TMEM117: variants seen among roughly 807,000 people sequenced by gnomAD.
TMEM117 encodes transmembrane protein 117.
In TMEM117, 27 loss-of-function variants were observed where a neutral mutation model predicts 52.4. The ratio of observed to expected loss-of-function variants is 0.51; its 90% CI spans 0.38 to 0.71. The LOEUF (loss-of-function observed/expected upper bound fraction) is 0.71. Ranked by LOEUF, TMEM117 falls within the 30% of genes least tolerant of loss-of-function variation. The pLI is 0.00. For synonymous variants in TMEM117, 215 were observed against 206.3 expected (o/e 1.04, Z -0.36); for missense variants, 556 against 630.5 (o/e 0.88, Z 1.26).
At chr12:44,288,351 A>G (rs1380334033) in intron 5 of TMEM117, among the ~76,000 whole-genome samples, 1 of 152,132 alleles carries the variant, frequency 6.6e-6, no homozygotes, top group East Asian at 1.9e-4. Context: ...CTTTTGGAGA[A>G]TTAAATATTA....
chr12:44,213,965 A>G (rs937816430), intron 5 of TMEM117, among the ~76,000 whole-genome samples: 1 of 152,068 alleles, frequency 6.6e-6, no homozygotes, highest in Non-Finnish European at 1.5e-5. Flanking sequence ...GGTCACATGT[A>G]TACTATTTGC....
intron 5 of TMEM117, among the ~76,000 whole-genome samples, chr12:44,229,495 A>G (rs1207147911): frequency 6.6e-6 from 1 of 152,154 alleles, no homozygotes; most frequent in African/African-American, 2.4e-5. Flanking sequence ...CATGGGGTCC[A>G]GGTAAATGTA....
intron 5 of TMEM117, among the ~76,000 whole-genome samples, chr12:44,266,609 A>G (rs372630184): frequency 1.1e-4 from 17 of 152,188 alleles, no homozygotes; most frequent in African/African-American, 4.1e-4. Flanking sequence ...TGAAGCACAT[A>G]TGTTTTTAAT....
Position 43,890,385 on chromosome 12 carries a change from T to A in TMEM117, c.277+45457T>A, listed in dbSNP as rs147996347. On this transcript the variant is annotated intron_variant, in intron 2 of 7. Coordinates refer to ENST00000266534, the MANE Select transcript of TMEM117 (RefSeq NM_032256.3). ...TCACCCCATGCAGTGTAAAAGTACC[T>A]TTTCTCTCTTCATTCAAATGAGAAT... Among the ~76,000 whole-genome samples the A allele has an allele frequency of 1.2e-3, 177 of 152,286 alleles. 1 individual carries two copies. Among genetic ancestry groups the A allele is most frequent in the African/African-American group, 4.0e-3 (167 of 41,550 alleles).
chr12:44,158,964 G>A lies in TMEM117; in HGVS notation c.510+15340G>A, dbSNP rs889586904. Among the ~76,000 whole-genome samples, 7 of 152,284 alleles carry A rather than the reference G, an allele frequency of 4.6e-5. No homozygotes were observed. In the South Asian group the frequency reaches 6.2e-4, roughly 14 times the overall value. ...AGAGAAGAAAGGTGAGGAGGAGCAA[G>A]GGTTGCAGAATACAAGACGCCAGCA... is the stretch of plus-strand genomic sequence containing the variant. On this transcript the variant is annotated intron_variant, in intron 4 of 7. Transcript: ENST00000266534.
intron 4 of TMEM117, among the ~76,000 whole-genome samples, chr12:44,173,962 G>T (rs1408550020): frequency 6.6e-6 from 1 of 152,016 alleles, no homozygotes; most frequent in Non-Finnish European, 1.5e-5. Flanking sequence ...GTCTAAGAAA[G>T]TTCAGAAAAG....
At chr12:43,904,206 T>C (rs1216114862) in intron 2 of TMEM117, among the ~76,000 whole-genome samples, 1 of 152,192 alleles carries the variant, frequency 6.6e-6, no homozygotes, top group Non-Finnish European at 1.5e-5. Context: ...AGAAAGTTTA[T>C]TTCCTTAAAA....
At chr12:43,905,055 A>T (rs1239865400) in intron 2 of TMEM117, among the ~76,000 whole-genome samples, 1 of 151,986 alleles carries the variant, frequency 6.6e-6, no homozygotes, top group Non-Finnish European at 1.5e-5. Context: ...AGGCAGGAGG[A>T]TTGCTTGAAC....
At chr12:44,054,175 A>G (rs926625741) in intron 3 of TMEM117, among the ~76,000 whole-genome samples, 2 of 152,318 alleles carry the variant, frequency 1.3e-5, no homozygotes, top group South Asian at 2.1e-4. Flanking sequence ...CATAAGAGCA[A>G]TGGCGTATAT....
chr12:44,084,349 C>A (rs1947532213), intron 3 of TMEM117, among the ~76,000 whole-genome samples: 1 of 152,064 alleles, frequency 6.6e-6, no homozygotes, highest in African/African-American at 2.4e-5. Context: ...GCCATTACTA[C>A]CATATCTGTA....
chr12:44,215,237 T>C (rs1016847720), intron 5 of TMEM117, among the ~76,000 whole-genome samples: 2 of 152,348 alleles, frequency 1.3e-5, no homozygotes, highest in Admixed American at 1.3e-4. Context: ...TACTTGTAGC[T>C]GCTTTAACTC....
intron 5 of TMEM117, among the ~76,000 whole-genome samples, chr12:44,231,771 T>C (rs1949936142): frequency 6.6e-6 from 1 of 151,856 alleles, no homozygotes; most frequent in Admixed American, 6.6e-5. Flanking sequence ...TTCTTGCCCA[T>C]GTTTCCATTG....
intron 3 of TMEM117, among the ~76,000 whole-genome samples, chr12:43,951,463 A>G (rs984103069): frequency 5.3e-5 from 8 of 152,020 alleles, no homozygotes; most frequent in African/African-American, 1.7e-4. Context: ...GGGGGAGGGG[A>G]AGCGCCATTA....
chr12:43,908,740 C>G (rs12299151), intron 2 of TMEM117, among the ~76,000 whole-genome samples: 15,575 of 151,948 alleles, frequency 0.1, 2,407 homozygotes, highest in African/African-American at 0.34. Context: ...AAGATCAAAA[C>G]AGACAAAGAA....
intron 3 of TMEM117, among the ~76,000 whole-genome samples, chr12:43,993,944 C>G (rs1231732764): frequency 1.3e-5 from 2 of 152,176 alleles, no homozygotes; most frequent in African/African-American, 4.8e-5. Flanking sequence ...TTCCACCCAC[C>G]TCAGCCTCCC....
chr12:44,235,372 C>CT (rs199764314), intron 5 of TMEM117, among the ~76,000 whole-genome samples: 2,673 of 142,820 alleles, frequency 0.019, 52 homozygotes, highest in African/African-American at 0.049. Flanking sequence ...ATCTGAAAAT[C>CT]TTTTTTTTTT....
chr12:44,097,499 A>G (rs1346374071), intron 3 of TMEM117, among the ~76,000 whole-genome samples: 3 of 152,028 alleles, frequency 2.0e-5, no homozygotes, highest in South Asian at 4.2e-4. Context: ...GATTAAGAAA[A>G]TGTGGCACAT....
At chr12:44,175,276 T>G (rs979944400) in intron 4 of TMEM117, among the ~76,000 whole-genome samples, 23 of 151,976 alleles carry the variant, frequency 1.5e-4, no homozygotes, top group Admixed American at 7.2e-4. Flanking sequence ...GACAGATATT[T>G]TGGAGGTTGA....
intron 1 of TMEM117, among the ~76,000 whole-genome samples, chr12:43,838,124 TG>T (rs1943061502): frequency 6.6e-6 from 1 of 152,182 alleles, no homozygotes; most frequent in African/African-American, 2.4e-5. Flanking sequence ...TATTGCTATT[TG>T]TGTTTTTTTT....
Sources: allele counts gnomAD v4.1 joint callset (sites outside exome capture counted in the v4.1 genomes callset), GRCh38; gene constraint gnomAD v4.1.1; transcripts MANE v1.5; gene names NCBI Gene and HGNC (gene_info 2026-07-23, HGNC 2026-07-21).